BICRAL: variants seen among roughly 807,000 people sequenced by gnomAD.
BICRAL encodes the protein BRD4-interacting chromatin-remodeling complex-associated protein-like.
A neutral mutation model predicts 91.8 loss-of-function variants in BICRAL; 8 were observed. The observed-to-expected ratio is 0.09, with a 90% CI of 0.05 to 0.16. BICRAL has a LOEUF of 0.16. BICRAL is among the 10% of genes least tolerant of loss of function. BICRAL has a pLI of 1.00. For synonymous variants in BICRAL, 445 were observed against 491.1 expected (o/e 0.91, Z 1.24); for missense variants, 1,038 against 1,310.9 (o/e 0.79, Z 3.21).
intron 1 of BICRAL, among the ~76,000 whole-genome samples, chr6:42,750,286 G>C (rs1284360976): frequency 6.6e-6 from 1 of 151,850 alleles, no homozygotes; most frequent in East Asian, 1.9e-4. Flanking sequence ...TTAGCCTCCT[G>C]AGTAGCTGGC....
intron 2 of BICRAL, chr6:42,821,250 A>C (rs1764128675): frequency 6.6e-6 from 1 of 152,178 alleles, no homozygotes; most frequent in South Asian, 2.1e-4. Context: ...CTGCTCTTGG[A>C]ATCTGTGCAG....
chr6:42,795,208 G>T (rs1763387824), intron 1 of BICRAL, among the ~76,000 whole-genome samples: 1 of 152,002 alleles, frequency 6.6e-6, no homozygotes, highest in South Asian at 2.1e-4. Context: ...AAGACTGGTG[G>T]ATCACCTGGG....
At chr6:42,746,716 C>T (rs1007780579), upstream of BICRAL, among the ~76,000 whole-genome samples, 3 of 152,068 alleles carry the variant, frequency 2.0e-5, no homozygotes, top group Non-Finnish European at 4.4e-5. Context: ...TCCTTACCGC[C>T]CCCCTCCCCC....
At chr6:42,831,538 C>T (rs1764477426) in intron 6 of BICRAL, among the ~76,000 whole-genome samples, 1 of 152,170 alleles carries the variant, frequency 6.6e-6, no homozygotes, top group South Asian at 2.1e-4. Flanking sequence ...TCACTGTCAT[C>T]TGCTGATCCT....
intron 5 of BICRAL, among the ~76,000 whole-genome samples, chr6:42,827,656 G>A (rs1356425752): frequency 6.6e-6 from 1 of 152,216 alleles, no homozygotes; most frequent in East Asian, 1.9e-4. Flanking sequence ...AAAGCAGGAG[G>A]ATTACTTGCG....
chr6:42,862,452 C>A, intron 11 of BICRAL, 58 bp from the exon 12 acceptor site: 1 of 1,157,856 alleles, frequency 8.6e-7, no homozygotes. Flanking sequence ...TTATTTTTTC[C>A]AAAAGCAACC....
chr6:42,770,529 C>G (rs970140036), intron 1 of BICRAL, among the ~76,000 whole-genome samples: 1 of 151,718 alleles, frequency 6.6e-6, no homozygotes, highest in African/African-American at 2.4e-5. Context: ...ATTCTTCTCC[C>G]TCAGCCTCCA....
intron 6 of BICRAL, among the ~76,000 whole-genome samples, chr6:42,841,422 T>C (rs1444999627): frequency 6.6e-6 from 1 of 151,940 alleles, no homozygotes; most frequent in Non-Finnish European, 1.5e-5. Context: ...CTCCTGACCT[T>C]GTGATCCTCC....
intron 1 of BICRAL, among the ~76,000 whole-genome samples, chr6:42,790,891 G>C (rs1582820713): frequency 1.3e-5 from 2 of 152,034 alleles, no homozygotes; most frequent in East Asian, 3.9e-4. Context: ...GGGGAGTTGG[G>C]GAAGAGTGAA....
At chr6:42,781,214 G>A (rs1296162795), upstream of BICRAL, among the ~76,000 whole-genome samples, 1 of 152,144 alleles carries the variant, frequency 6.6e-6, no homozygotes, top group Non-Finnish European at 1.5e-5. Flanking sequence ...CAAATATAGA[G>A]ATAAAAGATA....
At chr6:42,833,814 T>C (rs1345000930) in intron 6 of BICRAL, among the ~76,000 whole-genome samples, 1 of 152,170 alleles carries the variant, frequency 6.6e-6, no homozygotes, top group African/African-American at 2.4e-5. Flanking sequence ...TTGTCTTTCA[T>C]GCTATTAATA....
rs114966038 is a variant in BICRAL, at chr6:42,797,193, A to G, written c.-101-13113A>G. ...AAGATACATAAGGAAAAGATACATA[A>G]GCAGAACTTATGTATAACTTATAAG... On this transcript the variant is annotated intron_variant, in intron 1 of 12. Transcript: ENST00000314073. Among the ~76,000 whole-genome samples the G allele has an allele frequency of 6.9e-3, 1,055 of 152,240 alleles. 8 individuals carry two copies. Among genetic ancestry groups the G allele is most frequent in the Non-Finnish European group, 0.01 (703 of 68,020 alleles).
At chr6:42,860,181 TG>T in intron 10 of BICRAL, 80 bp from the exon 11 acceptor site, 1 of 796,712 alleles carries the variant, frequency 1.3e-6, no homozygotes, top group Non-Finnish European at 2.1e-6. Context: ...AGAAGAGTAA[TG>T]TATTTCAGTC....
intron 1 of BICRAL, among the ~76,000 whole-genome samples, chr6:42,754,288 C>A (rs1020005023): frequency 6.6e-6 from 1 of 151,982 alleles, no homozygotes; most frequent in Admixed American, 6.6e-5. Flanking sequence ...TCTCCTGTCT[C>A]AGCCTCCCGA....
chr6:42,838,718 T>C (rs1157955422), intron 6 of BICRAL, among the ~76,000 whole-genome samples: 1 of 152,188 alleles, frequency 6.6e-6, no homozygotes. Flanking sequence ...CCCTGCACTT[T>C]GGGAGGCAGA....
chr6:42,829,133 G>A lies in BICRAL; in HGVS notation c.800G>A (p.Gly267Glu), dbSNP rs904585656. ...RQTPNGNSLFGNSSSSPVAQP... is the reference protein window; with the variant it reads ...RQTPNGNSLFENSSSSPVAQP... Reference sequence around the variant, plus strand: ...ACTCCTAATGGCAACTCCTTGTTTGGGAACTCTAGTTCCAGTCCAGTAGCA... The same window carrying A: ...ACTCCTAATGGCAACTCCTTGTTTGAGAACTCTAGTTCCAGTCCAGTAGCA... The change falls in exon 6 of 13, where the codon GGG becomes GAG. Residue 267 changes from glycine (G) to glutamate (E), a missense_variant. Physicochemically the swap from Gly to Glu is moderately conservative, Grantham distance 98. Around this residue, in one of 5 missense-constraint regions of BICRAL, gnomAD observed 532 missense variants for 724.9 expected, o/e 0.73. Transcript: ENST00000314073. 6.2e-7 allele frequency: 1 copy of A among 1,613,938 alleles called. No individual in the cohort carries two copies. The highest frequency in any genetic ancestry group is 8.5e-7 in the Non-Finnish European group (1 of 1,180,020).
At chr6:42,835,858 A>G (rs1384748129) in intron 6 of BICRAL, among the ~76,000 whole-genome samples, 1 of 152,198 alleles carries the variant, frequency 6.6e-6, no homozygotes, top group East Asian at 1.9e-4. Context: ...TGAGTCCGGG[A>G]ACGTCAAGGC....
intron 1 of BICRAL, among the ~76,000 whole-genome samples, chr6:42,794,571 T>C (rs993177310): frequency 1.3e-5 from 2 of 152,174 alleles, no homozygotes; most frequent in Admixed American, 6.6e-5. Flanking sequence ...TTATATATTT[T>C]ATAAGTACTA....
intron 6 of BICRAL, among the ~76,000 whole-genome samples, chr6:42,846,087 G>C (rs1341212068): frequency 7.1e-6 from 1 of 141,206 alleles, no homozygotes; most frequent in Admixed American, 7.2e-5. Flanking sequence ...AAAAGTTATA[G>C]ATTCCTAGGC....
Sources: gnomAD v4.1 joint callset for allele counts (sites outside exome capture counted in the v4.1 genomes callset) on GRCh38, gnomAD v4.1.1 for gene constraint, gnomAD v4.1.1 regional missense constraint, MANE v1.5 for transcripts, NCBI Gene and HGNC (gene_info 2026-07-23, HGNC 2026-07-21) for gene names.